Variants in SAMMSON observed in about 807,000 individuals in gnomAD.
The protein encoded by SAMMSON is long intergenic non-protein coding RNA 1212.
intron 6 of SAMMSON, among the ~76,000 whole-genome samples, chr3:70,263,249 TG>T (rs1421533428): frequency 2.0e-5 from 3 of 152,212 alleles, no homozygotes; most frequent in African/African-American, 7.2e-5. Context: ...TACTGTATGC[TG>T]GGTATTATAA....
At chr3:70,295,633 AGTGAGCT>A (rs1702282789) in intron 7 of SAMMSON, among the ~76,000 whole-genome samples, 1 of 152,160 alleles carries the variant, frequency 6.6e-6, no homozygotes, top group South Asian at 2.1e-4. Context: ...TTGAGCCTGC[AGTGAGCT>A]GTGATTGTGT....
chr3:70,119,029 T>C (rs981849326), intron 4 of SAMMSON, among the ~76,000 whole-genome samples: 1 of 152,196 alleles, frequency 6.6e-6, no homozygotes. Context: ...CTCGTGTTCA[T>C]GTCATTGGGG....
intron 4 of SAMMSON, among the ~76,000 whole-genome samples, chr3:70,073,503 G>C (rs2067237602): frequency 6.6e-6 from 1 of 152,006 alleles, no homozygotes; most frequent in African/African-American, 2.4e-5. Context: ...AAAAGAGTAT[G>C]AAGTGTGTAG....
chr3:70,363,008 G>A (rs1702888367), intron 9 of SAMMSON, among the ~76,000 whole-genome samples: 1 of 151,886 alleles, frequency 6.6e-6, no homozygotes, highest in Admixed American at 6.6e-5. Context: ...TCTGATGCAA[G>A]GGTCTATAAG....
At chr3:70,128,378 A>G (rs2067467861) in intron 4 of SAMMSON, among the ~76,000 whole-genome samples, 1 of 152,214 alleles carries the variant, frequency 6.6e-6, no homozygotes, top group African/African-American at 2.4e-5. Context: ...AAAAATAAAA[A>G]TGAGTTTTGA....
At chr3:70,159,309 A>ATGC (rs1278829805) in intron 4 of SAMMSON, among the ~76,000 whole-genome samples, 1 of 151,880 alleles carries the variant, frequency 6.6e-6, no homozygotes, top group Non-Finnish European at 1.5e-5. Context: ...ATATCTCCTA[A>ATGC]TGCTATCCCT....
chr3:70,113,333 T>C (rs1230261738), intron 4 of SAMMSON, among the ~76,000 whole-genome samples: 1 of 152,214 alleles, frequency 6.6e-6, no homozygotes, highest in Non-Finnish European at 1.5e-5. Context: ...ATTTTGATCA[T>C]GCACATAGTT....
At chr3:70,197,834 A>G (rs562656005) in intron 4 of SAMMSON, among the ~76,000 whole-genome samples, 16 of 152,322 alleles carry the variant, frequency 1.1e-4, no homozygotes, top group African/African-American at 3.4e-4. Flanking sequence ...GAAATACGTC[A>G]TCATATGCCT....
chr3:70,333,503 G>T (rs1702640165), intron 7 of SAMMSON, among the ~76,000 whole-genome samples: 2 of 151,996 alleles, frequency 1.3e-5, no homozygotes, highest in South Asian at 4.2e-4. Flanking sequence ...TACATGTTCT[G>T]CCTGGAACTA....
intron 2 of SAMMSON, among the ~76,000 whole-genome samples, chr3:70,420,295 G>C (rs1701301109): frequency 6.6e-6 from 1 of 152,078 alleles, no homozygotes; most frequent in Non-Finnish European, 1.5e-5. Context: ...ACATGTAGTT[G>C]CTTCCAAACT....
At chr3:70,433,636 G>A (rs1219048800) in intron 2 of SAMMSON, among the ~76,000 whole-genome samples, 1 of 151,980 alleles carries the variant, frequency 6.6e-6, no homozygotes, top group Non-Finnish European at 1.5e-5. Flanking sequence ...GTCTTTTGCA[G>A]AGAAGTTTTA....
intron 4 of SAMMSON, among the ~76,000 whole-genome samples, chr3:70,225,924 C>A (rs187805025): frequency 6.2e-4 from 95 of 152,274 alleles, no homozygotes; most frequent in Non-Finnish European, 1.3e-3. Context: ...GTTCCCTCGC[C>A]ATCTACCAAG....
intron 3 of SAMMSON, among the ~76,000 whole-genome samples, chr3:70,021,961 G>T (rs1201874761): frequency 6.6e-6 from 1 of 152,112 alleles, no homozygotes; most frequent in South Asian, 2.1e-4. Flanking sequence ...CTTATCAAGG[G>T]GAAGAAAGAC....
At chr3:70,286,527 G>A (rs1487296059) in intron 6 of SAMMSON, among the ~76,000 whole-genome samples, 1 of 151,832 alleles carries the variant, frequency 6.6e-6, no homozygotes, top group Non-Finnish European at 1.5e-5. Context: ...GCTTAGGATT[G>A]ACTTGGTGAT....
At chr3:70,000,186 C>G (rs1404530629) in intron 1 of SAMMSON, among the ~76,000 whole-genome samples, 5 of 152,140 alleles carry the variant, frequency 3.3e-5, no homozygotes, top group African/African-American at 1.2e-4. Flanking sequence ...CACACGTCCA[C>G]TGGGGCTTCG....
rs1361579738 is a variant in SAMMSON, at chr3:70,288,083, G to T, written n.675-3096G>T. 3.7e-4 allele frequency among the ~76,000 whole-genome samples: 54 copies of T among 147,244 alleles called. 1 individual carries two copies. The highest frequency in any genetic ancestry group is 8.7e-4 in the African/African-American group (35 of 40,112). The stretch of plus-strand genomic sequence containing the variant: ...TTCAGTTCTGCTCTGATTTTAGTTA[G>T]TTCTTGCCTTCTGCTAGCTTTTGAA... On this transcript the variant is annotated intron_variant and non_coding_transcript_variant, in intron 6 of 9. Coordinates refer to ENST00000642114, the Ensembl canonical transcript of SAMMSON.
At chr3:70,043,492 C>T (rs1384129003) in intron 3 of SAMMSON, among the ~76,000 whole-genome samples, 4 of 152,010 alleles carry the variant, frequency 2.6e-5, no homozygotes. Context: ...GTGTTTCTAT[C>T]ACAAGGGAAC....
intron 4 of SAMMSON, among the ~76,000 whole-genome samples, chr3:70,148,689 C>T (rs2067558709): frequency 2.0e-5 from 3 of 151,990 alleles, no homozygotes; most frequent in Non-Finnish European, 4.4e-5. Context: ...TTCTTAACAA[C>T]CAGCTTTCAT....
chr3:70,045,155 T>C (rs2067121586), intron 3 of SAMMSON, among the ~76,000 whole-genome samples: 1 of 127,962 alleles, frequency 7.8e-6, no homozygotes, highest in South Asian at 2.2e-4. Flanking sequence ...ATATATTAAT[T>C]ATAATATATT....
Sources: gnomAD v4.1 joint callset for allele counts (sites outside exome capture counted in the v4.1 genomes callset) on GRCh38, gnomAD v4.1.1 for gene constraint, MANE v1.5 for transcripts, NCBI Gene and HGNC (gene_info 2026-07-23, HGNC 2026-07-21) for gene names.